GRM5: variants seen among roughly 807,000 people sequenced by gnomAD.
The protein encoded by GRM5 is glutamate metabotropic receptor 5.
Under a neutral mutation model 83.1 loss-of-function variants are expected in GRM5, and 19 were observed. The ratio of observed to expected loss-of-function variants is 0.23; its 90% CI spans 0.16 to 0.34. The LOEUF (loss-of-function observed/expected upper bound fraction) is 0.34, where lower values mean the gene tolerates loss of function less well. GRM5 is among the 10% of genes least tolerant of loss of function. The pLI is 1.00. For missense variants in GRM5, 1,160 were observed against 1,588.3 expected (o/e 0.73, Z 4.58); for synonymous variants, 675 against 633.6 (o/e 1.07, Z -0.98).
At chr11:88,895,330 A>G (rs1370456960) in intron 2 of GRM5, among the ~76,000 whole-genome samples, 2 of 151,978 alleles carry the variant, frequency 1.3e-5, no homozygotes, top group South Asian at 2.1e-4. Context: ...GGCTATAAAG[A>G]ATGATGAATA....
intron 3 of GRM5, among the ~76,000 whole-genome samples, chr11:88,771,122 G>T (rs1015139648): frequency 5.3e-5 from 8 of 152,074 alleles, no homozygotes; most frequent in African/African-American, 1.9e-4. Context: ...AGATCACCTA[G>T]CCCTGGCCTG....
At chr11:89,039,235 A>G (rs1164116290) in intron 2 of GRM5, among the ~76,000 whole-genome samples, 1 of 150,636 alleles carries the variant, frequency 6.6e-6, no homozygotes, top group East Asian at 1.9e-4. Flanking sequence ...ACTGCACTCC[A>G]GCCTGGGCGA....
chr11:88,538,147 T>G (rs1942180117), intron 8 of GRM5, among the ~76,000 whole-genome samples: 1 of 149,738 alleles, frequency 6.7e-6, no homozygotes. Flanking sequence ...CACGGGAGAA[T>G]AGTTTAATAA....
intron 2 of GRM5, among the ~76,000 whole-genome samples, chr11:89,033,354 G>A (rs1821791278): frequency 6.8e-6 from 1 of 148,094 alleles, no homozygotes; most frequent in Admixed American, 6.6e-5. Context: ...TTTTATAAAA[G>A]TATCAGAAAC....
intron 3 of GRM5, among the ~76,000 whole-genome samples, chr11:88,825,788 C>A (rs1343124561): frequency 2.0e-5 from 3 of 152,118 alleles, no homozygotes; most frequent in African/African-American, 7.2e-5. Context: ...TCTGAAGGAA[C>A]CCTCAAGGAA....
At chr11:88,961,310 G>A (rs1422766512) in intron 2 of GRM5, among the ~76,000 whole-genome samples, 1 of 151,834 alleles carries the variant, frequency 6.6e-6, no homozygotes, top group Non-Finnish European at 1.5e-5. Flanking sequence ...CCAGTGATTT[G>A]TGTTTTGTCA....
chr11:89,023,489 T>C (rs562809163), intron 2 of GRM5, among the ~76,000 whole-genome samples: 9 of 152,216 alleles, frequency 5.9e-5, no homozygotes, highest in Non-Finnish European at 1.2e-4. Context: ...TACCAGGGTC[T>C]TTCCTTGTCC....
chr11:89,036,630 C>T (rs1941391723), intron 2 of GRM5, among the ~76,000 whole-genome samples: 1 of 144,906 alleles, frequency 6.9e-6, no homozygotes, highest in Non-Finnish European at 1.5e-5. Context: ...TGTCCAAAGT[C>T]CCTCAACTGG....
intron 2 of GRM5, among the ~76,000 whole-genome samples, chr11:88,880,478 C>T (rs747267424): frequency 5.9e-5 from 9 of 152,140 alleles, no homozygotes; most frequent in Non-Finnish European, 1.2e-4. Flanking sequence ...ATAAGAATAA[C>T]ATACACTGAA....
chr11:88,958,687 C>A (rs1938697048), intron 2 of GRM5, among the ~76,000 whole-genome samples: 2 of 152,060 alleles, frequency 1.3e-5, no homozygotes, highest in African/African-American at 4.8e-5. Context: ...TTCATAACAC[C>A]TTTGCACTCC....
At chr11:88,897,274 A>T (rs1945241491) in intron 2 of GRM5, among the ~76,000 whole-genome samples, 1 of 151,874 alleles carries the variant, frequency 6.6e-6, no homozygotes, top group African/African-American at 2.4e-5. Flanking sequence ...TTTGATATAA[A>T]TATTCATAGG....
intron 2 of GRM5, among the ~76,000 whole-genome samples, chr11:88,928,907 T>TATATATACAC (rs369951090): frequency 0.026 from 3,648 of 138,694 alleles, 86 homozygotes; most frequent in South Asian, 0.042. Context: ...TATGTGTATA[T>TATATATACAC]ACACACACAC....
At chr11:88,956,231 A>G (rs1938608091) in intron 2 of GRM5, among the ~76,000 whole-genome samples, 1 of 152,224 alleles carries the variant, frequency 6.6e-6, no homozygotes, top group Admixed American at 6.5e-5. Context: ...CGTAAAAGCT[A>G]AAGTGTTCAG....
chr11:88,537,749 C>T (rs551481161), intron 8 of GRM5, among the ~76,000 whole-genome samples: 107 of 152,122 alleles, frequency 7.0e-4, no homozygotes, highest in Non-Finnish European at 1.3e-3. Context: ...TCTCCGTGCG[C>T]AGAAAAACAT....
chr11:88,809,447 T>C (rs1226079028), intron 3 of GRM5, among the ~76,000 whole-genome samples: 2 of 152,072 alleles, frequency 1.3e-5, no homozygotes, highest in African/African-American at 4.8e-5. Flanking sequence ...CATTTGGTCA[T>C]TTGTTTCCTT....
intron 2 of GRM5, among the ~76,000 whole-genome samples, chr11:88,964,612 C>A (rs774205202): frequency 4.6e-5 from 7 of 152,054 alleles, no homozygotes; most frequent in Non-Finnish European, 8.8e-5. Flanking sequence ...AAATTATTGA[C>A]TGACAACAAA....
chr11:89,022,918 C>T (rs2135111350), intron 2 of GRM5, among the ~76,000 whole-genome samples: 1 of 152,210 alleles, frequency 6.6e-6, no homozygotes, highest in Admixed American at 6.5e-5. Context: ...GGAGCAAATG[C>T]TTTGTAGGAA....
intron 2 of GRM5, among the ~76,000 whole-genome samples, chr11:88,993,802 G>A (rs568152347): frequency 6.6e-6 from 1 of 152,218 alleles, no homozygotes; most frequent in East Asian, 1.9e-4. Flanking sequence ...GCTCGCTGTA[G>A]CCCTGAGATG....
At chr11:89,011,295 A>C (rs1940692092) in intron 2 of GRM5, among the ~76,000 whole-genome samples, 2 of 152,098 alleles carry the variant, frequency 1.3e-5, no homozygotes. Flanking sequence ...ATGGTATTGC[A>C]ATATTAATTT....
Sources: allele counts gnomAD v4.1 joint callset (sites outside exome capture counted in the v4.1 genomes callset), GRCh38; gene constraint gnomAD v4.1.1; transcripts MANE v1.5; gene names NCBI Gene and HGNC (gene_info 2026-07-23, HGNC 2026-07-21).